The following ATP8B2 variants were observed in gnomAD, a reference collection of about 807,000 sequenced individuals.
The protein encoded by ATP8B2 is phospholipid-transporting ATPase ID.
A neutral mutation model predicts 133.4 loss-of-function variants in ATP8B2; 70 were observed. The ratio of observed to expected loss-of-function variants is 0.52; its 90% CI spans 0.43 to 0.64. The LOEUF (loss-of-function observed/expected upper bound fraction) is 0.64. Ranked by LOEUF, ATP8B2 falls within the 30% of genes least tolerant of loss-of-function variation. The pLI is 0.00. For synonymous variants in ATP8B2, 517 were observed against 589.5 expected (o/e 0.88, Z 1.78); for missense variants, 1,101 against 1,535.7 (o/e 0.72, Z 4.73).
chr1:154,338,357 TA>T (rs5777907), intron 12 of ATP8B2, among the ~76,000 whole-genome samples: 61,249 of 152,046 alleles, frequency 0.4, 13,643 homozygotes, highest in East Asian at 0.61. Context: ...TTGTATTTAC[TA>T]ACCATTAAAA....
chr1:154,330,860 C>T lies in ATP8B2; in HGVS notation c.136C>T (p.Pro46Ser), dbSNP rs763333101. 5 of 1,614,176 alleles carry T rather than the reference C, an allele frequency of 3.1e-6. No homozygotes were observed. The South Asian group carries it at 4.4e-5, about 14-fold the overall frequency. ...TSKYNILTFLPVNLFEQFQEV... is the reference protein window; with the variant it reads ...TSKYNILTFLSVNLFEQFQEV... ...CAAGTACAATATTCTCACCTTCCTGCCTGTCAACCTCTTTGAGCAGTTCCA... is the reference window on the plus strand; with the variant it reads ...CAAGTACAATATTCTCACCTTCCTGTCTGTCAACCTCTTTGAGCAGTTCCA... Residue 46 changes from proline (P) to serine (S), a missense_variant, in exon 4 of 28, where the codon CCT becomes TCT. Physicochemically the swap from Pro to Ser is moderately conservative, Grantham distance 74. Coordinates refer to ENST00000368489, the MANE Select transcript of ATP8B2 (RefSeq NM_001370597.1).
rs1387792234 is a variant in ATP8B2 at position 154,332,695 on chromosome 1, A to T, written c.587A>T (p.Asp196Val). The change falls in exon 9 of 28, where the codon GAC (aspartate) becomes GTC (valine). Residue 196 changes from aspartate (D) to valine (V), a missense_variant and splice_region_variant. By Grantham distance (152) the Asp-to-Val change is radical. Transcript: ENST00000368489. The stretch of plus-strand genomic sequence containing the variant: ...GACATCAGTAAGCTTGCCAAGTTTG[A>T]CGGTGAGTAATTTTGGAGGAGCAGC... ...LGDISKLAKF[D>V]GEVICEPPNN... The T allele has an allele frequency of 1.9e-6, 3 of 1,570,990 alleles. No individual in the cohort carries two copies. The highest frequency in any genetic ancestry group is 2.7e-5 in the African/African-American group (2 of 74,012).
At chr1:154,341,385 CAG>C (rs1334726927) in intron 13 of ATP8B2, 1 of 389,460 alleles carries the variant, frequency 2.6e-6, no homozygotes. Flanking sequence ...GCCAGTGACT[CAG>C]GAGGCTGAGA....
In ATP8B2 at chr1:154,344,906, G is replaced by A. The variant is rs1686529130; in HGVS notation, c.2287-65G>A. 6.4e-7 allele frequency: 1 copy of A among 1,561,166 alleles called. No individual in the cohort carries two copies. Among genetic ancestry groups the A allele is most frequent in the African/African-American group, 1.4e-5 (1 of 73,350 alleles). ...GAAGACTGGTCTCAAAGGGGACTGG[G>A]AGGAGCTGAGACTCCCAGGTGTCTC... On this transcript the variant is annotated intron_variant, in intron 21 of 27. Coordinates refer to ENST00000368489, the MANE Select transcript of ATP8B2 (RefSeq NM_001370597.1). The surrounding 1 kb of genome is among the most constrained non-coding windows in gnomAD (Gnocchi z 4.1).
chr1:154,334,051 T>C lies in ATP8B2; in HGVS notation c.590-56T>C. On this transcript the variant is annotated intron_variant, in intron 9 of 27. Transcript: ENST00000368489. The surrounding 1 kb of genome is among the most constrained non-coding windows in gnomAD (Gnocchi z 4.6). ...CTCATTTTCTCTTTGTTTTATTGTC[T>C]TGTGGTTAGGCTGTAGACTGGACCT... is the stretch of plus-strand genomic sequence containing the variant. 3 of 1,587,888 alleles carry C rather than the reference T, an allele frequency of 1.9e-6. No homozygotes were observed. Among genetic ancestry groups the C allele is most frequent in the Non-Finnish European group, 2.6e-6 (3 of 1,161,274 alleles).
chr1:154,346,834 GCA>G lies in ATP8B2; in HGVS notation c.3163+79_3163+80del, dbSNP rs1686600759. ...GACTAACAGGACCATCAGCTAATCT[GCA>G]CATTCAACATTTCTTATGTGCCAAG... On this transcript the variant is annotated intron_variant, in intron 26 of 27. Coordinates refer to ENST00000368489, the MANE Select transcript of ATP8B2 (RefSeq NM_001370597.1). The surrounding 1 kb of genome is among the most constrained non-coding windows in gnomAD (Gnocchi z 4.5). 6.7e-7 allele frequency: 1 copy of G among 1,481,678 alleles called. No individual in the cohort carries two copies. The highest frequency in any genetic ancestry group is 1.4e-5 in the African/African-American group (1 of 71,064). 91.8% of individuals were successfully genotyped at this position (1,481,678 alleles called of 1,614,324 possible).
In ATP8B2 at chr1:154,340,717, C is replaced by G. The variant is rs1292668048; in HGVS notation, c.1035-137C>G. 3 of 818,920 alleles carry G rather than the reference C, an allele frequency of 3.7e-6. No homozygotes were observed. The highest frequency in any genetic ancestry group is 6.0e-6 in the Non-Finnish European group (3 of 497,758). The allele number at this position is 818,920 out of a possible 1,614,324, so 50.7% of individuals were successfully genotyped here. A position where few individuals can be genotyped will look rare whatever the true frequency, so the allele number is the denominator to read the frequency against. The stretch of plus-strand genomic sequence containing the variant: ...CACCTTCAGGCTCTCCTTGCCCTTT[C>G]CCACCCAGGTTTCTGTGCCCAGGTG... On this transcript the variant is annotated intron_variant, in intron 12 of 27. Transcript: ENST00000368489. The surrounding 1 kb of genome is among the most constrained non-coding windows in gnomAD (Gnocchi z 4.0).
intron 9 of ATP8B2, among the ~76,000 whole-genome samples, chr1:154,333,032 C>T (rs1241305608): frequency 2.0e-5 from 3 of 152,036 alleles, no homozygotes; most frequent in African/African-American, 2.4e-5. Flanking sequence ...GAATAGAGGT[C>T]GGTACCATGG....
In ATP8B2 at chr1:154,348,922, G is replaced by A. The variant is rs750929591; in HGVS notation, c.3377G>A (p.Arg1126His). ...MRRVGRTGSRRSGYAFSHQEG... is the reference protein window; with the variant it reads ...MRRVGRTGSRHSGYAFSHQEG... Reference sequence around the variant, plus strand: ...CGGGTTGGCCGCACTGGCTCCCGGCGCTCCGGCTATGCCTTCTCCCATCAG... The same window carrying A: ...CGGGTTGGCCGCACTGGCTCCCGGCACTCCGGCTATGCCTTCTCCCATCAG... Residue 1126 changes from arginine to histidine, a missense_variant, in exon 28 of 28, where the codon CGC (arginine) becomes CAC (histidine). Arg to His is a conservative substitution (Grantham distance 29). Transcript: ENST00000368489. The A allele has an allele frequency of 3.5e-5, 56 of 1,613,888 alleles. No homozygotes were observed. The highest frequency in any genetic ancestry group is 3.3e-4 in the Middle Eastern group (2 of 6,082).
intron 13 of ATP8B2, 26 bp from the exon 14 acceptor site, chr1:154,342,454 T>G (rs1334591061): frequency 1.9e-5 from 31 of 1,612,798 alleles, no homozygotes; most frequent in Non-Finnish European, 2.5e-5. Flanking sequence ...TGACATTGCT[T>G]CTTTTTCTGC....
chr1:154,348,028 A>AAAG (rs1553297553), intron 26 of ATP8B2, among the ~76,000 whole-genome samples: 1 of 150,876 alleles, frequency 6.6e-6, no homozygotes, highest in Non-Finnish European at 1.5e-5. Context: ...CAACAAAAAA[A>AAAG]AAATTAAAAA....
In ATP8B2 at chr1:154,334,013, C is replaced by A; in HGVS notation, c.590-94C>A. ...TATGGATGGGCCCTTGCCCTTGCAT[C>A]CTCTTCGCTCAGCTCATTTTCTCTT... On this transcript the variant is annotated intron_variant, in intron 9 of 27. Coordinates refer to ENST00000368489, the MANE Select transcript of ATP8B2 (RefSeq NM_001370597.1). This position sits in a 1 kb window ranked among gnomAD's most constrained non-coding sequence, Gnocchi z 4.6. 6.8e-7 allele frequency: 1 copy of A among 1,466,844 alleles called. No homozygotes were observed. The allele number at this position is 1,466,844 out of a possible 1,614,324, so 90.9% of individuals were successfully genotyped here. A position where few individuals can be genotyped will look rare whatever the true frequency, so the allele number is the denominator to read the frequency against.
Position 154,334,389 on chromosome 1 carries a change from T to G in ATP8B2, c.749-114T>G, listed in dbSNP as rs773430189. The stretch of plus-strand genomic sequence containing the variant: ...ACCTCCAGCTGTGTATACAGGCTTC[T>G]TATCTAGCCAGTATCTCTATTCCAC... On this transcript the variant is annotated intron_variant, in intron 10 of 27. Transcript: ENST00000368489. The surrounding 1 kb of genome is among the most constrained non-coding windows in gnomAD (Gnocchi z 4.6). The G allele has an allele frequency of 1.6e-4, 242 of 1,502,298 alleles. No homozygotes were observed. Among genetic ancestry groups the G allele is most frequent in the Non-Finnish European group, 2.1e-4 (234 of 1,092,440 alleles). 93.1% of individuals were successfully genotyped at this position (1,502,298 alleles called of 1,614,324 possible). A position where few individuals can be genotyped will look rare whatever the true frequency, so the allele number is the denominator to read the frequency against.
At position 154,336,898 on chromosome 1, in the gene ATP8B2, A is replaced by G. The variant is rs112329191; in HGVS notation, c.838-450A>G. On this transcript the variant is annotated intron_variant, in intron 11 of 27. Transcript: ENST00000368489. Reference sequence around the variant, plus strand: ...CAATGTCTGCCTCCCGGGTTCAAGCAATTCTCATGCCTTGGACTCCTGAGT... The same window carrying G: ...CAATGTCTGCCTCCCGGGTTCAAGCGATTCTCATGCCTTGGACTCCTGAGT... Among the ~76,000 whole-genome samples the G allele has an allele frequency of 7.4e-3, 1,118 of 150,688 alleles. 18 individuals carry two copies. Among genetic ancestry groups the G allele is most frequent in the African/African-American group, 0.026 (1,052 of 40,904 alleles).
chr1:154,338,063 T>C (rs1050679107), intron 12 of ATP8B2, among the ~76,000 whole-genome samples: 3 of 152,096 alleles, frequency 2.0e-5, no homozygotes, highest in East Asian at 3.9e-4. Context: ...TGAGATACCA[T>C]GTGGGAGGCA....
At position 154,343,204 on chromosome 1, in the gene ATP8B2, C is replaced by T. The variant is rs1256112208; in HGVS notation, c.1545C>T (p.Pro515=). 6.2e-7 allele frequency: 1 copy of T among 1,614,108 alleles called. No homozygotes were observed. The highest frequency in any genetic ancestry group is 8.5e-7 in the Non-Finnish European group (1 of 1,180,032). Residue 515 remains proline (P), a synonymous_variant, in exon 16 of 28, where the codon CCC becomes CCT. Coordinates refer to ENST00000368489, the MANE Select transcript of ATP8B2 (RefSeq NM_001370597.1). The surrounding 1 kb of genome is among the most constrained non-coding windows in gnomAD (Gnocchi z 5.8). ...GTTTTGTTTTCCGCTCTCGCACCCC[C>T]AAAACAATCACCGTCCATGAGATGG... ...NFGFVFRSRT[P]KTITVHEMGT...
chr1:154,332,085 C>T, intron 8 of ATP8B2, 61 bp downstream of exon 8: 1 of 1,551,102 alleles, frequency 6.4e-7, no homozygotes, highest in Non-Finnish European at 8.9e-7. Context: ...AAAAGATTGT[C>T]TTTGAATGAG....
rs1686575459 is a variant in ATP8B2, at chr1:154,346,199, G to T, written c.2779-32G>T. The T allele has an allele frequency of 1.2e-6, 2 of 1,604,252 alleles. No homozygotes were observed. The highest frequency in any genetic ancestry group is 1.7e-6 in the Non-Finnish European group (2 of 1,174,604). On this transcript the variant is annotated intron_variant, in intron 24 of 27. Coordinates refer to ENST00000368489, the MANE Select transcript of ATP8B2 (RefSeq NM_001370597.1). This position sits in a 1 kb window ranked among gnomAD's most constrained non-coding sequence, Gnocchi z 4.5. The stretch of plus-strand genomic sequence containing the variant: ...CCAGGGTCAAAACGGCAACCTCTGA[G>T]GCCCCCTATGCTACATGGTCCTCCC...
rs531630892 is a variant in ATP8B2, at chr1:154,348,370, C to G, written c.3164-38C>G. ...AAATGGGAACGGGGAATGTCTGCCT[C>G]GTGACTCCCAAGGCCACTGACTCCT... On this transcript the variant is annotated intron_variant, in intron 26 of 27. Transcript: ENST00000368489. 5.1e-6 allele frequency: 8 copies of G among 1,572,092 alleles called. No homozygotes were observed. In the African/African-American group the frequency reaches 9.4e-5, roughly 19 times the overall value.
Sources: allele counts gnomAD v4.1 joint callset (sites outside exome capture counted in the v4.1 genomes callset), GRCh38; gene constraint gnomAD v4.1.1; non-coding constraint Gnocchi (gnomAD v3.1); transcripts MANE v1.5; gene names NCBI Gene and HGNC (gene_info 2026-07-23, HGNC 2026-07-21).